The following B9D1 variants were observed in gnomAD, a reference collection of about 807,000 sequenced individuals.
B9D1 encodes B9 domain-containing protein 1.
B9D1 carries 20 observed loss-of-function variants against 26.1 expected under a neutral mutation model. The observed-to-expected ratio is 0.77, with a 90% CI of 0.54 to 1.12. B9D1 has a LOEUF of 1.12. Ranked by LOEUF, B9D1 falls within the 50% of genes most tolerant of loss-of-function variation. The probability of loss-of-function intolerance (pLI) is 0.00; values close to 1 mark genes in which losing one functional copy is unlikely to be tolerated. For synonymous variants in B9D1, 105 were observed against 103.1 expected (o/e 1.02, Z -0.11); for missense variants, 260 against 273.7 (o/e 0.95, Z 0.35).
rs2152276157 is a variant in B9D1 at position 19,360,330 on chromosome 17, G to A, written c.122C>T (p.Ala41Val). ...KYCFVYGQDWAPTAGLEEGIS... is the reference protein window; with the variant it reads ...KYCFVYGQDWVPTAGLEEGIS... ...AAGAGTCCAGCTTACCGCTGTGGGG[G>A]CCCAGTCCTGGCCGTACACAAAGCA... Residue 41 changes from alanine (A) to valine (V), a missense_variant, in exon 2 of 7, where the codon GCC (alanine) becomes GTC (valine). Ala to Val is a moderately conservative substitution (Grantham distance 64, BLOSUM62 0). Transcript: ENST00000261499. 1 of 1,613,902 alleles carries A rather than the reference G, an allele frequency of 6.2e-7. No individual in the cohort carries two copies. Among genetic ancestry groups the A allele is most frequent in the Non-Finnish European group, 8.5e-7 (1 of 1,179,986 alleles).
chr17:19,338,981 C>G (rs1057286538), downstream of B9D1, among the ~76,000 whole-genome samples: 1 of 152,214 alleles, frequency 6.6e-6, no homozygotes, highest in Admixed American at 6.5e-5. Context: ...TAGACATAAG[C>G]TGCCTTATTT....
At chr17:19,376,840 C>A (rs1912150583) in intron 1 of B9D1, among the ~76,000 whole-genome samples, 1 of 137,246 alleles carries the variant, frequency 7.3e-6, no homozygotes, top group South Asian at 2.2e-4. Flanking sequence ...ATAAAATAAA[C>A]AACCAAAAAA....
chr17:19,346,734 T>G (rs1464252791), intron 5 of B9D1, among the ~76,000 whole-genome samples: 1 of 152,162 alleles, frequency 6.6e-6, no homozygotes, highest in Non-Finnish European at 1.5e-5. Context: ...CTGGCCACAC[T>G]GCCGTCCTGG....
chr17:19,340,348 T>C (rs1907823715), downstream of B9D1, among the ~76,000 whole-genome samples: 1 of 151,740 alleles, frequency 6.6e-6, no homozygotes, highest in Non-Finnish European at 1.5e-5. Context: ...CTTTTTGTAT[T>C]TTTAGTAGAG....
At chr17:19,343,551 C>G (rs892701733) in intron 6 of B9D1, 90 bp from the exon 7 acceptor site, 3 of 1,595,376 alleles carry the variant, frequency 1.9e-6, no homozygotes, top group African/African-American at 1.3e-5. Flanking sequence ...GCGTTCTCAT[C>G]TGTAAAATGG....
chr17:19,377,089 T>G (rs992460083), intron 1 of B9D1, among the ~76,000 whole-genome samples: 1 of 152,262 alleles, frequency 6.6e-6, no homozygotes, highest in Non-Finnish European at 1.5e-5. Context: ...TTATGTATTA[T>G]GTCTTCCTGA....
chr17:19,347,913 G>A lies in B9D1; in HGVS notation c.245-33C>T, dbSNP rs1225896502. The A allele has an allele frequency of 2.4e-5, 38 of 1,584,892 alleles. No homozygotes were observed. The highest frequency in any genetic ancestry group is 3.2e-5 in the Non-Finnish European group (37 of 1,154,274). On this transcript the variant is annotated intron_variant, in intron 3 of 6. Transcript: ENST00000261499. The surrounding 1 kb of genome is among the most constrained non-coding windows in gnomAD (Gnocchi z 4.3). ...AGGACAAGGCAGGGGGTGGGCACAT[G>A]AGGACACACAGGGGAGGTGCAGGGC...
chr17:19,365,341 A>C (rs12936382), upstream of B9D1, among the ~76,000 whole-genome samples: 20 of 152,216 alleles, frequency 1.3e-4, no homozygotes, highest in Admixed American at 8.5e-4. This position sits in a 1 kb window ranked among gnomAD's most constrained non-coding sequence, Gnocchi z 5.0. Context: ...GAGGAGGTGA[A>C]GGGGAGGTGG....
Position 19,347,200 on chromosome 17 carries a change from A to G in B9D1, c.404+69T>C. The G allele has an allele frequency of 6.2e-7, 1 of 1,614,166 alleles. No individual in the cohort carries two copies. The highest frequency in any genetic ancestry group is 8.5e-7 in the Non-Finnish European group (1 of 1,179,998). On this transcript the variant is annotated intron_variant, in intron 5 of 6. Transcript: ENST00000261499. This position sits in a 1 kb window ranked among gnomAD's most constrained non-coding sequence, Gnocchi z 4.3. ...TGAGGAGGCGACCAGGCACAAACTGAGGGGTAGAATGGGACATCCATTCAT... is the reference window on the plus strand; with the variant it reads ...TGAGGAGGCGACCAGGCACAAACTGGGGGGTAGAATGGGACATCCATTCAT...
chr17:19,362,598 A>C lies in B9D1; in HGVS notation c.-29T>G, dbSNP rs1420733330. ...AGGTCTGGGGGTGCCGGGGGGACCCACCTAGGCCGCGCGCGGTTGCTAAGA... is the reference window on the plus strand; with the variant it reads ...AGGTCTGGGGGTGCCGGGGGGACCCCCCTAGGCCGCGCGCGGTTGCTAAGA... On this transcript the variant is annotated 5_prime_UTR_variant, in exon 1 of 7. Transcript: ENST00000261499. The C allele has an allele frequency of 6.3e-7, 1 of 1,581,892 alleles. No individual in the cohort carries two copies. The highest frequency in any genetic ancestry group is 1.3e-5 in the African/African-American group (1 of 74,754).
At chr17:19,343,945 C>A in intron 5 of B9D1, 88 bp from the exon 6 acceptor site, 1 of 1,582,602 alleles carries the variant, frequency 6.3e-7, no homozygotes, top group East Asian at 2.3e-5. Flanking sequence ...CTCCTCGGTT[C>A]AGAAACCAGC....
At chr17:19,335,529 G>A (rs1907372189), downstream of B9D1, 4 of 1,510,100 alleles carry the variant, frequency 2.6e-6, no homozygotes, top group South Asian at 4.9e-5. Context: ...TGGGGATAAT[G>A]TGGAAATGGC....
At chr17:19,373,024 C>T (rs1911962981) in intron 1 of B9D1, among the ~76,000 whole-genome samples, 3 of 152,152 alleles carry the variant, frequency 2.0e-5, no homozygotes, top group Admixed American at 2.0e-4. Flanking sequence ...GAGCCGGACT[C>T]CCTGTGCCAC....
chr17:19,356,359 T>C (rs538148502), intron 3 of B9D1, among the ~76,000 whole-genome samples: 6 of 152,338 alleles, frequency 3.9e-5, no homozygotes, highest in African/African-American at 1.4e-4. Flanking sequence ...CCCAAAGTGC[T>C]GGAATTACAG....
downstream of B9D1, among the ~76,000 whole-genome samples, chr17:19,340,342 T>TAAAAA (rs1192019428): frequency 6.6e-6 from 1 of 151,814 alleles, no homozygotes; most frequent in Non-Finnish European, 1.5e-5. Context: ...GGCTAACTTT[T>TAAAAA]TGTATTTTTA....
At chr17:19,340,720 C>A (rs1473085553), downstream of B9D1, among the ~76,000 whole-genome samples, 1 of 144,154 alleles carries the variant, frequency 6.9e-6, no homozygotes, top group Non-Finnish European at 1.5e-5. Context: ...ACCCGGGAGG[C>A]AGAGGTTGCA....
At chr17:19,346,816 G>T in intron 5 of B9D1, 1 of 992,184 alleles carries the variant, frequency 1.0e-6, no homozygotes, top group Non-Finnish European at 1.4e-6. Flanking sequence ...ACTGTTCCCT[G>T]TGCCTGATGT....
intron 3 of B9D1, among the ~76,000 whole-genome samples, chr17:19,353,477 A>G (rs1024798623): frequency 6.6e-6 from 1 of 151,180 alleles, no homozygotes; most frequent in African/African-American, 2.4e-5. Context: ...TCTCTAATAA[A>G]AACACAAAAA....
At chr17:19,337,527 CAG>C, downstream of B9D1, 1 of 554,370 alleles carries the variant, frequency 1.8e-6, no homozygotes, top group Admixed American at 2.8e-5. Context: ...AAGCTTGACT[CAG>C]AGCTAGGAGG....
Sources: gnomAD v4.1 joint callset for allele counts (sites outside exome capture counted in the v4.1 genomes callset) on GRCh38, gnomAD v4.1.1 for gene constraint, Gnocchi (gnomAD v3.1) non-coding constraint, MANE v1.5 for transcripts, NCBI Gene and HGNC (gene_info 2026-07-23, HGNC 2026-07-21) for gene names.